Variants in AGPAT3 observed in about 807,000 individuals in gnomAD.
AGPAT3 encodes 1-acyl-sn-glycerol-3-phosphate acyltransferase gamma.
A neutral mutation model predicts 47.3 loss-of-function variants in AGPAT3; 5 were observed. That is an observed-to-expected ratio of 0.11 (90% confidence interval 0.06 to 0.22). The LOEUF (loss-of-function observed/expected upper bound fraction) is 0.22, where lower values mean the gene tolerates loss of function less well. AGPAT3 is among the 10% of genes least tolerant of loss of function. AGPAT3 has a pLI of 1.00. For missense variants in AGPAT3, 315 were observed against 493.0 expected (o/e 0.64, Z 3.42); for synonymous variants, 212 against 208.3 (o/e 1.02, Z -0.15).
intron 2 of AGPAT3, among the ~76,000 whole-genome samples, chr21:43,907,303 T>C (rs2086523951): frequency 6.6e-6 from 1 of 152,096 alleles, no homozygotes; most frequent in Non-Finnish European, 1.5e-5. Flanking sequence ...GTAGTTGGGA[T>C]TCGTTTCTTG....
Position 43,889,623 on chromosome 21 carries a change from A to G in AGPAT3, c.-111-14334A>G, listed in dbSNP as rs147445823. On this transcript the variant is annotated intron_variant, in intron 1 of 9. Coordinates refer to ENST00000291572, the MANE Select transcript of AGPAT3 (RefSeq NM_020132.5). ...AGGCACACACATTTTTTGATTTCCC[A>G]GTGCATACAGAAGTTAGGTTTATGC... is the stretch of plus-strand genomic sequence containing the variant. 5.9e-3 allele frequency among the ~76,000 whole-genome samples: 895 copies of G among 152,326 alleles called. 9 individuals carry two copies. The highest frequency in any genetic ancestry group is 0.023 in the South Asian group (112 of 4,824).
intron 1 of AGPAT3, among the ~76,000 whole-genome samples, chr21:43,891,557 C>T (rs149886183): frequency 3.1e-3 from 462 of 151,328 alleles, no homozygotes; most frequent in African/African-American, 0.01. Context: ...GGCGTGAACC[C>T]GGGAGGTGGA....
At chr21:43,898,033 A>T (rs952807937) in intron 1 of AGPAT3, among the ~76,000 whole-genome samples, 1 of 152,186 alleles carries the variant, frequency 6.6e-6, no homozygotes, top group African/African-American at 2.4e-5. Flanking sequence ...CAGCAGGCTG[A>T]GGCAGGAGAA....
Position 43,984,074 on chromosome 21 carries a change from C to A in AGPAT3, c.*1682C>A, listed in dbSNP as rs1023090995. 2 of 152,304 alleles carry A rather than the reference C, an allele frequency of 1.3e-5. No individual in the cohort carries two copies. The highest frequency in any genetic ancestry group is 4.8e-5 in the African/African-American group (2 of 41,476). 9.4% of individuals were successfully genotyped at this position (152,304 alleles called of 1,614,324 possible). On this transcript the variant is annotated 3_prime_UTR_variant, in exon 10 of 10. Transcript: ENST00000291572. ...GTGTGCGGGACGCCACCTGTGCACA[C>A]CTGCTCAGAGCACGGCTCCTCGCAG...
At position 43,872,128 on chromosome 21, in the gene AGPAT3, T is replaced by G. The variant is rs550418024; in HGVS notation, c.-112+6783T>G. Among the ~76,000 whole-genome samples, 3 of 152,300 alleles carry G rather than the reference T, an allele frequency of 2.0e-5. No homozygotes were observed. The East Asian group carries it at 5.8e-4, about 29-fold the overall frequency. On this transcript the variant is annotated intron_variant, in intron 1 of 9. Coordinates refer to ENST00000291572, the MANE Select transcript of AGPAT3 (RefSeq NM_020132.5). ...CACATTCCACCTGACACTCTGTGCT[T>G]ACATTTATTCCCAGGTGCCCTTATT...
In AGPAT3 at chr21:43,987,556, T is replaced by C. The variant is rs1198656499; in HGVS notation, c.*5164T>C. On this transcript the variant is annotated 3_prime_UTR_variant, in exon 10 of 10. Transcript: ENST00000291572. ...CCAAGGAACCCCTTTCTCTTCTTTA[T>C]TAAAAAGCAAAACAAAAACTCTTGT... Among the ~76,000 whole-genome samples the C allele has an allele frequency of 6.6e-6, 1 of 152,254 alleles. No individual in the cohort carries two copies. Among genetic ancestry groups the C allele is most frequent in the Non-Finnish European group, 1.5e-5 (1 of 68,046 alleles).
At position 43,934,286 on chromosome 21, in the gene AGPAT3, C is replaced by T. The variant is rs2087360507; in HGVS notation, c.-48-25348C>T. Among the ~76,000 whole-genome samples, 1 of 152,254 alleles carries T rather than the reference C, an allele frequency of 6.6e-6. No homozygotes were observed. Among genetic ancestry groups the T allele is most frequent in the African/African-American group, 2.4e-5 (1 of 41,470 alleles). On this transcript the variant is annotated intron_variant, in intron 2 of 9. Coordinates refer to ENST00000291572, the MANE Select transcript of AGPAT3 (RefSeq NM_020132.5). The surrounding 1 kb of genome is among the most constrained non-coding windows in gnomAD (Gnocchi z 4.7). The stretch of plus-strand genomic sequence containing the variant: ...ACACCAGCCCTCTCACCGCGGTGTG[C>T]CTGTCCCCACCTCCCAAGGGCGGAA...
At chr21:43,975,994 T>G (rs2089607528) in intron 7 of AGPAT3, among the ~76,000 whole-genome samples, 1 of 151,838 alleles carries the variant, frequency 6.6e-6, no homozygotes, top group South Asian at 2.1e-4. Flanking sequence ...CCTTTTTTTT[T>G]TTTTTAAGAG....
At chr21:43,967,512 A>G (rs1345212258) in intron 3 of AGPAT3, 6 of 157,624 alleles carry the variant, frequency 3.8e-5, no homozygotes, top group Admixed American at 1.3e-4. Context: ...TCTGTCGTCT[A>G]TAATTCCATT....
chr21:43,968,323 G>T (rs2089239977), intron 4 of AGPAT3, among the ~76,000 whole-genome samples: 1 of 150,236 alleles, frequency 6.7e-6, no homozygotes, highest in Non-Finnish European at 1.5e-5. Context: ...GGGGGTGAGT[G>T]GGGGGTCCCA....
chr21:43,969,471 T>C lies in AGPAT3; in HGVS notation c.510+192T>C, dbSNP rs1458946115. On this transcript the variant is annotated intron_variant, in intron 5 of 9. Transcript: ENST00000291572. The stretch of plus-strand genomic sequence containing the variant: ...GGCTTCTCTTGGGCCACCTGCTTGC[T>C]ACTCGCCGCAATCCCAGCTCTGACC... Among the ~76,000 whole-genome samples, 10 of 152,294 alleles carry C rather than the reference T, an allele frequency of 6.6e-5. No homozygotes were observed. The East Asian group carries it at 1.9e-3, about 29-fold the overall frequency.
chr21:43,884,064 CTG>C (rs1262495344), intron 1 of AGPAT3, among the ~76,000 whole-genome samples: 8 of 152,162 alleles, frequency 5.3e-5, no homozygotes, highest in Admixed American at 1.3e-4. Flanking sequence ...GTGTAAGAAT[CTG>C]TCTCTTTAAA....
chr21:43,968,254 CTGGGCGGGGT>C (rs2089234254), intron 4 of AGPAT3, 139 bp downstream of exon 4: 1 of 329,580 alleles, frequency 3.0e-6, no homozygotes, highest in African/African-American at 3.4e-5. Context: ...TGGGAGTGAG[CTGGGCGGGGT>C]CCCAGGAGGG....
At chr21:43,901,339 A>G (rs1324568848) in intron 1 of AGPAT3, among the ~76,000 whole-genome samples, 17 of 148,940 alleles carry the variant, frequency 1.1e-4, no homozygotes, top group Admixed American at 1.1e-3. Flanking sequence ...AAAAAAAAAA[A>G]GAGAAGAGAA....
rs1411540829 is a variant in AGPAT3 at position 43,939,232 on chromosome 21, G to A, written c.-48-20402G>A. 1.3e-5 allele frequency among the ~76,000 whole-genome samples: 2 copies of A among 152,098 alleles called. No individual in the cohort carries two copies. Among genetic ancestry groups the A allele is most frequent in the Non-Finnish European group, 2.9e-5 (2 of 67,996 alleles). On this transcript the variant is annotated intron_variant, in intron 2 of 9. Coordinates refer to ENST00000291572, the MANE Select transcript of AGPAT3 (RefSeq NM_020132.5). This position sits in a 1 kb window ranked among gnomAD's most constrained non-coding sequence, Gnocchi z 4.4. ...TGCACTGGCCGGGCCTCCAGGGGGC[G>A]CTCCCTTAGGAACACCCCATCCCCG...
intron 3 of AGPAT3, among the ~76,000 whole-genome samples, chr21:43,964,562 A>T (rs2146692331): frequency 6.6e-6 from 1 of 152,294 alleles, no homozygotes; most frequent in East Asian, 1.9e-4. Flanking sequence ...TAGCTTCCAA[A>T]GTATTAGAAA....
At position 43,933,489 on chromosome 21, in the gene AGPAT3, A is replaced by G. The variant is rs1302059036; in HGVS notation, c.-48-26145A>G. 2.0e-5 allele frequency among the ~76,000 whole-genome samples: 3 copies of G among 152,064 alleles called. No homozygotes were observed. Among genetic ancestry groups the G allele is most frequent in the African/African-American group, 4.8e-5 (2 of 41,404 alleles). On this transcript the variant is annotated intron_variant, in intron 2 of 9. Coordinates refer to ENST00000291572, the MANE Select transcript of AGPAT3 (RefSeq NM_020132.5). This position sits in a 1 kb window ranked among gnomAD's most constrained non-coding sequence, Gnocchi z 6.0. Reference sequence around the variant, plus strand: ...AAGGTTTGGGAATATCGATGATGTCATCATACTCCTGGCTGCTTCTTGACA... The same window carrying G: ...AAGGTTTGGGAATATCGATGATGTCGTCATACTCCTGGCTGCTTCTTGACA...
At chr21:43,891,362 G>A (rs1183814161) in intron 1 of AGPAT3, among the ~76,000 whole-genome samples, 3 of 152,076 alleles carry the variant, frequency 2.0e-5, no homozygotes, top group African/African-American at 4.8e-5. Flanking sequence ...GGCCGGGTGC[G>A]GTGGCTCACG....
intron 1 of AGPAT3, among the ~76,000 whole-genome samples, chr21:43,890,886 C>T (rs903270941): frequency 3.3e-5 from 5 of 151,924 alleles, no homozygotes; most frequent in Admixed American, 2.0e-4. Context: ...TACAGGCACC[C>T]GCCACCACGC....
Sources: allele counts gnomAD v4.1 joint callset (sites outside exome capture counted in the v4.1 genomes callset), GRCh38; gene constraint gnomAD v4.1.1; non-coding constraint Gnocchi (gnomAD v3.1); transcripts MANE v1.5; gene names NCBI Gene and HGNC (gene_info 2026-07-23, HGNC 2026-07-21).